The following ITSN2 variants were observed in gnomAD, a reference collection of about 807,000 sequenced individuals.
The protein encoded by ITSN2 is intersectin 2, also known as intersectin-2.
In ITSN2, 156 loss-of-function variants were observed where a neutral mutation model predicts 243.7. That is an observed-to-expected ratio of 0.64 (90% CI 0.56 to 0.73). The LOEUF (loss-of-function observed/expected upper bound fraction) is 0.73. ITSN2 is among the 30% of genes least tolerant of loss of function. ITSN2 has a pLI of 0.00. For synonymous variants in ITSN2, 703 were observed against 699.9 expected, an observed-to-expected ratio of 1.00 and a Z score of -0.07; for missense variants, 1,801 against 1,996.1, an observed-to-expected ratio of 0.90 and a Z score of 1.86.
Position 24,203,559 on chromosome 2 carries a change from A to G in ITSN2, c.*67T>C, listed in dbSNP as rs916967918. 7.3e-6 allele frequency: 11 copies of G among 1,502,004 alleles called. No homozygotes were observed. In the Admixed American group the frequency reaches 1.9e-4, roughly 26 times the overall value. The allele number at this position is 1,502,004 out of a possible 1,614,324, so 93.0% of individuals were successfully genotyped here. A position where few individuals can be genotyped will look rare whatever the true frequency, so the allele number is the denominator to read the frequency against. On this transcript the variant is annotated 3_prime_UTR_variant, in exon 40 of 40. Coordinates refer to ENST00000355123, the MANE Select transcript of ITSN2 (RefSeq NM_006277.3). Reference sequence around the variant, plus strand: ...CATGGTGCTCCCTCAGCCCCAAGAGAGCGCAGTCTCTCATTCTCCAGCCCC... The same window carrying G: ...CATGGTGCTCCCTCAGCCCCAAGAGGGCGCAGTCTCTCATTCTCCAGCCCC...
chr2:24,204,362 T>TC lies in ITSN2; in HGVS notation c.4818dup (p.Thr1607AspfsTer13). 1.2e-6 allele frequency: 2 copies of TC among 1,614,186 alleles called. No homozygotes were observed. The highest frequency in any genetic ancestry group is 1.7e-6 in the Non-Finnish European group (2 of 1,180,026). On this transcript the variant is annotated frameshift_variant, in exon 39 of 40. Transcript: ENST00000355123. LOFTEE classifies it high-confidence loss of function. The surrounding 1 kb of genome is among the most constrained non-coding windows in gnomAD (Gnocchi z 5.1). ...TTGGGATTGAGTGTGTCCTGGATGG[T>TC]CCTGGTGGTGTAGCTCTGGGAGCCC...
intron 29 of ITSN2, among the ~76,000 whole-genome samples, chr2:24,238,595 A>G (rs1186523081): frequency 6.6e-6 from 1 of 152,222 alleles, no homozygotes; most frequent in Non-Finnish European, 1.5e-5. Flanking sequence ...TGTAAGTTCC[A>G]TCCAATCTTT....
chr2:24,327,679 TTACA>T (rs557308293), intron 2 of ITSN2, among the ~76,000 whole-genome samples: 1 of 152,188 alleles, frequency 6.6e-6, no homozygotes, highest in Non-Finnish European at 1.5e-5. Flanking sequence ...AAACATAATC[TTACA>T]TAAATATTAC....
At chr2:24,334,534 G>A (rs6737940) in intron 1 of ITSN2, 819,459 of 839,750 alleles carry the variant, frequency 0.98, 399,929 homozygotes, top group East Asian at 0.98. Context: ...CCTAAAACCC[G>A]CAGGACTTTC....
intron 24 of ITSN2, 130 bp from the exon 25 acceptor site, chr2:24,252,641 C>T: frequency 2.1e-6 from 1 of 484,318 alleles, no homozygotes; most frequent in Non-Finnish European, 3.5e-6. Context: ...GGAAACCTAA[C>T]ATAAAAAGAT....
chr2:24,352,202 C>G (rs964886087), intron 1 of ITSN2, among the ~76,000 whole-genome samples: 1 of 152,170 alleles, frequency 6.6e-6, no homozygotes, highest in Non-Finnish European at 1.5e-5. Flanking sequence ...AAGCAAAGTA[C>G]TACTGTAATC....
At chr2:24,351,979 A>G (rs1688060903) in intron 1 of ITSN2, among the ~76,000 whole-genome samples, 2 of 152,252 alleles carry the variant, frequency 1.3e-5, no homozygotes, top group South Asian at 2.1e-4. Flanking sequence ...TAAGATCTAC[A>G]GTAAGAACAA....
chr2:24,288,723 A>G (rs527377081), intron 15 of ITSN2, among the ~76,000 whole-genome samples: 1 of 152,286 alleles, frequency 6.6e-6, no homozygotes, highest in African/African-American at 2.4e-5. Flanking sequence ...ACAATGCACT[A>G]TTATTAACTA....
chr2:24,207,102 G>C (rs11125495), intron 37 of ITSN2, among the ~76,000 whole-genome samples: 133,949 of 152,076 alleles, frequency 0.88, 59,875 homozygotes, highest in Non-Finnish European at 0.95. Context: ...GAAATGTGTC[G>C]TTAATTTGGG....
intron 18 of ITSN2, among the ~76,000 whole-genome samples, chr2:24,272,225 A>T (rs562351126): frequency 1.3e-5 from 2 of 152,112 alleles, no homozygotes; most frequent in African/African-American, 4.8e-5. Context: ...TCCAAACTCA[A>T]GAAAAAAAGA....
At chr2:24,307,392 T>C (rs1027625514) in intron 8 of ITSN2, among the ~76,000 whole-genome samples, 1 of 151,690 alleles carries the variant, frequency 6.6e-6, no homozygotes, top group Admixed American at 6.6e-5. Flanking sequence ...CCTTGTTTCA[T>C]GCAATTTGAT....
intron 25 of ITSN2, among the ~76,000 whole-genome samples, chr2:24,251,729 C>T (rs548004527): frequency 2.0e-4 from 30 of 149,918 alleles, no homozygotes; most frequent in African/African-American, 2.9e-4. Context: ...CATAAAAGCA[C>T]GTTATTTATG....
chr2:24,226,400 G>A (rs1196835698), intron 29 of ITSN2, among the ~76,000 whole-genome samples: 1 of 152,190 alleles, frequency 6.6e-6, no homozygotes, highest in Non-Finnish European at 1.5e-5. Flanking sequence ...CTCCAGAAGA[G>A]TGACATGATT....
chr2:24,238,187 T>TATC, intron 29 of ITSN2, among the ~76,000 whole-genome samples: 1 of 152,298 alleles, frequency 6.6e-6, no homozygotes, highest in Non-Finnish European at 1.5e-5. Flanking sequence ...GGCAAATATC[T>TATC]ATCACTGTGC....
chr2:24,328,635 G>A (rs1685431220), intron 1 of ITSN2, among the ~76,000 whole-genome samples: 1 of 151,994 alleles, frequency 6.6e-6, no homozygotes, highest in Admixed American at 6.6e-5. Flanking sequence ...GCTAATTTTT[G>A]TGTTTTTAGT....
chr2:24,293,756 A>T lies in ITSN2; in HGVS notation c.1655T>A (p.Ile552Asn). The change falls in exon 15 of 40, where the codon ATC (isoleucine) becomes AAC (asparagine). Residue 552 changes from isoleucine (I) to asparagine (N), a missense_variant. Coordinates refer to ENST00000355123, the MANE Select transcript of ITSN2 (RefSeq NM_006277.3). ...QELQEYQNKL[I>N]YLVPEKQLLN... ...TAATTGCTTCTCAGGTACCAGATAGATAAGCTTATTCTGATATTCCTTATA... is the reference window on the plus strand; with the variant it reads ...TAATTGCTTCTCAGGTACCAGATAGTTAAGCTTATTCTGATATTCCTTATA... The T allele has an allele frequency of 2.7e-6, 3 of 1,118,418 alleles. No individual in the cohort carries two copies. The highest frequency in any genetic ancestry group is 3.9e-6 in the Non-Finnish European group (3 of 771,578). The allele number at this position is 1,118,418 out of a possible 1,614,324, so 69.3% of individuals were successfully genotyped here. A position where few individuals can be genotyped will look rare whatever the true frequency, so the allele number is the denominator to read the frequency against.
chr2:24,351,944 G>A (rs936422276), intron 1 of ITSN2, among the ~76,000 whole-genome samples: 2 of 151,896 alleles, frequency 1.3e-5, no homozygotes, highest in African/African-American at 4.8e-5. Context: ...AATATAGAAG[G>A]GAAAAAATTG....
At chr2:24,344,215 G>A (rs965820105) in intron 1 of ITSN2, among the ~76,000 whole-genome samples, 3 of 152,122 alleles carry the variant, frequency 2.0e-5, no homozygotes, top group African/African-American at 7.2e-5. Context: ...TTCCACTGGT[G>A]GACATTAAGA....
chr2:24,273,098 ATC>A (rs1677574736), intron 18 of ITSN2, among the ~76,000 whole-genome samples: 1 of 152,198 alleles, frequency 6.6e-6, no homozygotes, highest in Non-Finnish European at 1.5e-5. Context: ...ATAATTCCAC[ATC>A]TCTATTCCTT....
Sources: gnomAD v4.1 joint callset for allele counts (sites outside exome capture counted in the v4.1 genomes callset) on GRCh38, gnomAD v4.1.1 for gene constraint, Gnocchi (gnomAD v3.1) non-coding constraint, MANE v1.5 for transcripts, NCBI Gene and HGNC (gene_info 2026-07-23, HGNC 2026-07-21) for gene names.